The following ADAM12 variants were observed in gnomAD, a reference collection of about 807,000 sequenced individuals.
ADAM12 encodes the protein disintegrin and metalloproteinase domain-containing protein 12.
ADAM12 carries 70 observed loss-of-function variants against 106.4 expected under a neutral mutation model. That is an observed-to-expected ratio of 0.66 (90% CI 0.54 to 0.80). The LOEUF (loss-of-function observed/expected upper bound fraction) is 0.80. Ranked by LOEUF, ADAM12 falls within the 30% of genes least tolerant of loss-of-function variation. The pLI is 0.00. For missense variants in ADAM12, 1,010 were observed against 1,171.9 expected (o/e 0.86, Z 2.02); for synonymous variants, 420 against 433.5 (o/e 0.97, Z 0.39).
chr10:126,083,022 C>T (rs773549426), intron 11 of ADAM12, among the ~76,000 whole-genome samples: 45 of 152,308 alleles, frequency 3.0e-4, no homozygotes, highest in Middle Eastern at 3.4e-3. Context: ...TAGGCCAGGG[C>T]GGTGGCATTT....
At chr10:126,190,989 C>CTTTT (rs1957488604) in intron 3 of ADAM12, among the ~76,000 whole-genome samples, 747 of 68,716 alleles carry the variant, frequency 0.011, 312 homozygotes, top group Middle Eastern at 0.018. Flanking sequence ...GGAGTTTTGT[C>CTTTT]CTTTTTTTTT....
chr10:126,104,150 A>C (rs1955719652), intron 8 of ADAM12, among the ~76,000 whole-genome samples: 1 of 152,202 alleles, frequency 6.6e-6, no homozygotes, highest in East Asian at 1.9e-4. Flanking sequence ...AAATATCCTA[A>C]GAAATTCAAT....
chr10:126,370,742 A>C (rs1402972437), intron 1 of ADAM12, among the ~76,000 whole-genome samples: 1 of 152,200 alleles, frequency 6.6e-6, no homozygotes, highest in Non-Finnish European at 1.5e-5. Context: ...GTTCCTGGAC[A>C]TCATAGGTCC....
chr10:126,124,362 G>A (rs571105959), intron 5 of ADAM12, among the ~76,000 whole-genome samples: 5 of 151,700 alleles, frequency 3.3e-5, no homozygotes, highest in East Asian at 1.9e-4. Flanking sequence ...ATAAACAGTC[G>A]TGGCAGCAGT....
chr10:126,098,810 GT>G (rs2090658889), intron 9 of ADAM12, among the ~76,000 whole-genome samples: 1 of 152,166 alleles, frequency 6.6e-6, no homozygotes, highest in African/African-American at 2.4e-5. Flanking sequence ...TTTAAACAAT[GT>G]CTGCTGATGG....
chr10:126,051,588 T>TCCATCCATCCATCCATCCAG (rs1281562847), intron 14 of ADAM12, among the ~76,000 whole-genome samples: 2 of 124,316 alleles, frequency 1.6e-5, no homozygotes, highest in South Asian at 2.9e-4. Context: ...CATCCATCCA[T>TCCATCCATCCATCCATCCAG]CCAGCCAGCC....
chr10:126,377,656 C>T (rs186720026), intron 1 of ADAM12, among the ~76,000 whole-genome samples: 2 of 152,228 alleles, frequency 1.3e-5, no homozygotes, highest in East Asian at 3.9e-4. Context: ...AACCATCACG[C>T]CAACCAATCT....
intron 19 of ADAM12, 27 bp from the exon 20 acceptor site, chr10:126,038,376 C>A: frequency 2.0e-6 from 3 of 1,513,226 alleles, no homozygotes; most frequent in Non-Finnish European, 2.7e-6. Flanking sequence ...TACCTGCTGA[C>A]CAAGCGTGTT....
chr10:126,135,037 TG>T (rs1590473624), intron 5 of ADAM12, among the ~76,000 whole-genome samples: 1 of 152,342 alleles, frequency 6.6e-6, no homozygotes, highest in Non-Finnish European at 1.5e-5. Context: ...GAGTAACACC[TG>T]GGGTTGACTT....
intron 3 of ADAM12, among the ~76,000 whole-genome samples, chr10:126,212,900 T>C (rs940573921): frequency 2.0e-5 from 3 of 151,596 alleles, no homozygotes; most frequent in Admixed American, 6.6e-5. Flanking sequence ...ACTTTTTTTT[T>C]CTAAATAACA....
chr10:126,142,883 G>A (rs532672992), intron 4 of ADAM12, among the ~76,000 whole-genome samples: 106 of 152,226 alleles, frequency 7.0e-4, no homozygotes, highest in Admixed American at 2.1e-3. Context: ...ATGTGGGCAC[G>A]TGCGTATATT....
chr10:126,176,599 T>C (rs1412588990), intron 3 of ADAM12, among the ~76,000 whole-genome samples: 5 of 152,348 alleles, frequency 3.3e-5, no homozygotes, highest in African/African-American at 1.2e-4. Flanking sequence ...GTACATCCCA[T>C]ATTATTTGTA....
chr10:126,224,853 T>A (rs932185123), intron 3 of ADAM12, among the ~76,000 whole-genome samples: 1 of 152,112 alleles, frequency 6.6e-6, no homozygotes, highest in African/African-American at 2.4e-5. Flanking sequence ...TCATGGAGGA[T>A]CCCAGGCAGG....
chr10:126,236,321 G>A (rs1958415126), intron 3 of ADAM12, among the ~76,000 whole-genome samples: 1 of 152,202 alleles, frequency 6.6e-6, no homozygotes, highest in African/African-American at 2.4e-5. Context: ...GGGGCCACTG[G>A]TCAGATGGAG....
intron 3 of ADAM12, among the ~76,000 whole-genome samples, chr10:126,167,219 T>C (rs1266958755): frequency 6.6e-6 from 1 of 152,194 alleles, no homozygotes; most frequent in Non-Finnish European, 1.5e-5. Flanking sequence ...GGTAGGTACT[T>C]ATTTGTATAT....
intron 2 of ADAM12, among the ~76,000 whole-genome samples, chr10:126,310,275 T>C (rs1440695507): frequency 6.6e-6 from 1 of 151,904 alleles, no homozygotes; most frequent in Non-Finnish European, 1.5e-5. Context: ...TGCATACATT[T>C]AGAAGGCTGG....
At chr10:126,045,302 C>G (rs527254035) in intron 17 of ADAM12, among the ~76,000 whole-genome samples, 8 of 152,168 alleles carry the variant, frequency 5.3e-5, no homozygotes, top group Non-Finnish European at 1.5e-5. Context: ...ACCGTCAACA[C>G]CCCCATCTGA....
intron 3 of ADAM12, among the ~76,000 whole-genome samples, chr10:126,223,513 G>A (rs1014957555): frequency 1.3e-5 from 2 of 152,102 alleles, no homozygotes; most frequent in African/African-American, 2.4e-5. Context: ...AGCCTAATAG[G>A]CATCTATATA....
At chr10:126,170,461 T>C (rs1446172783) in intron 3 of ADAM12, among the ~76,000 whole-genome samples, 2 of 150,638 alleles carry the variant, frequency 1.3e-5, no homozygotes, top group African/African-American at 4.9e-5. Context: ...GGAGTCCCTG[T>C]GTGTGAACCC....
Sources: allele counts gnomAD v4.1 joint callset (sites outside exome capture counted in the v4.1 genomes callset), GRCh38; gene constraint gnomAD v4.1.1; transcripts MANE v1.5; gene names NCBI Gene and HGNC (gene_info 2026-07-23, HGNC 2026-07-21).